SIGLEC11: variants seen among roughly 807,000 people sequenced by gnomAD.
The protein encoded by SIGLEC11 is sialic acid binding Ig like lectin 11.
In SIGLEC11, 47 loss-of-function variants were observed where a neutral mutation model predicts 61.2. The observed-to-expected ratio is 0.77, with a 90% CI of 0.61 to 0.98. The LOEUF is 0.98. Among genes scored for constraint, SIGLEC11 ranks in the 50% least tolerant of loss-of-function variants. SIGLEC11 has a pLI of 0.00. For missense variants in SIGLEC11, 610 were observed against 870.3 expected (o/e 0.70, Z 3.76); for synonymous variants, 278 against 373.1 (o/e 0.75, Z 2.94).
chr19:49,953,240 A>T (rs2076171621), intron 8 of SIGLEC11, among the ~76,000 whole-genome samples: 1 of 152,226 alleles, frequency 6.6e-6, no homozygotes, highest in Non-Finnish European at 1.5e-5. Flanking sequence ...AAGGAGCTAC[A>T]GAATGATTTC....
At chr19:49,950,842 C>G (rs1026692040) in intron 10 of SIGLEC11, among the ~76,000 whole-genome samples, 3 of 152,132 alleles carry the variant, frequency 2.0e-5, no homozygotes, top group Non-Finnish European at 4.4e-5. Context: ...TTGCTCGGAC[C>G]TGGACTGACC....
At chr19:49,959,682 G>GGGGGGGGGGCC in intron 4 of SIGLEC11, 59 bp from the exon 5 acceptor site, 1 of 164,074 alleles carries the variant, frequency 6.1e-6, no homozygotes, top group Non-Finnish European at 1.1e-5. Context: ...GGGAGGGGGG[G>GGGGGGGGGGCC]CTGCAAAGAG....
In SIGLEC11 at chr19:49,949,100, C is replaced by T. The variant is rs1568741521; in HGVS notation, c.*870G>A. The T allele has an allele frequency of 6.6e-6, 1 of 151,912 alleles. No individual in the cohort carries two copies. 9.4% of individuals were successfully genotyped at this position (151,912 alleles called of 1,614,324 possible). A position where few individuals can be genotyped will look rare whatever the true frequency, so the allele number is the denominator to read the frequency against. The stretch of plus-strand genomic sequence containing the variant: ...CCACCTCCCGGGTTCAACCAATTCT[C>T]TGCCTAGTCTCCCGAGTAGCTGGGA... On this transcript the variant is annotated 3_prime_UTR_variant, in exon 11 of 11. Coordinates refer to ENST00000447370, the MANE Select transcript of SIGLEC11 (RefSeq NM_052884.3).
intron 10 of SIGLEC11, among the ~76,000 whole-genome samples, chr19:49,950,640 T>A (rs570218048): frequency 1.3e-5 from 2 of 152,240 alleles, no homozygotes; most frequent in African/African-American, 4.8e-5. Flanking sequence ...CCCGCTGCCT[T>A]ATGGAACAGC....
At position 49,959,246 on chromosome 19, in the gene SIGLEC11, G is replaced by C. The variant is rs1008637083; in HGVS notation, c.1057+114C>G. 4.2e-4 allele frequency: 638 copies of C among 1,518,090 alleles called. 1 individual carries two copies. Among genetic ancestry groups the C allele is most frequent in the Middle Eastern group, 4.0e-3 (16 of 4,032 alleles). The allele number at this position is 1,518,090 out of a possible 1,614,324, so 94.0% of individuals were successfully genotyped here. On this transcript the variant is annotated intron_variant, in intron 5 of 10. Coordinates refer to ENST00000447370, the MANE Select transcript of SIGLEC11 (RefSeq NM_052884.3). The stretch of plus-strand genomic sequence containing the variant: ...GCATGAGGGTCTACACAGGTAAGAA[G>C]GTCAGTCCCCGAGGCCTGGGGTTCA...
chr19:49,950,216 C>T lies in SIGLEC11; in HGVS notation c.1851G>A (p.Ser617=), dbSNP rs145537270. 8.3e-5 allele frequency: 132 copies of T among 1,591,170 alleles called. No individual in the cohort carries two copies. The highest frequency in any genetic ancestry group is 1.8e-4 in the Middle Eastern group (1 of 5,712). ...GCGGGTGGTCTTGGGAGCTGCCTGC[C>T]GAGCATTCATGCTGGTGACCCTGAA... The part of the protein sequence containing the change: ...PISQGHQHEC[S]AGSSQDHPPP... Residue 617 remains serine (S), a synonymous_variant, in exon 11 of 11, where the codon TCG becomes TCA. Transcript: ENST00000447370.
At position 49,958,978 on chromosome 19, in the gene SIGLEC11, G is replaced by A. The variant is rs1342936410; in HGVS notation, c.1105+52C>T. ...CTGTGTGGGGACCCTCCAGACTCCT[G>A]GGCCCCCAGTTTGGCACTGAGAGGC... On this transcript the variant is annotated intron_variant, in intron 6 of 10. Coordinates refer to ENST00000447370, the MANE Select transcript of SIGLEC11 (RefSeq NM_052884.3). 14 of 1,613,340 alleles carry A rather than the reference G, an allele frequency of 8.7e-6. 1 individual carries two copies. The highest frequency in any genetic ancestry group is 1.7e-5 in the Admixed American group (1 of 59,944).
At chr19:49,960,528 AG>A (rs764938780) in intron 2 of SIGLEC11, 23 bp downstream of exon 2, 2 of 1,594,826 alleles carry the variant, frequency 1.3e-6, no homozygotes, top group East Asian at 4.5e-5. Flanking sequence ...TGTGACAGGC[AG>A]GGGTTCCCAC....
chr19:49,960,368 G>C lies in SIGLEC11; in HGVS notation c.514C>G (p.Pro172Ala). Residue 172 changes from proline (P) to alanine (A), a missense_variant, in exon 3 of 11, where the codon CCG becomes GCG. Pro to Ala is a conservative substitution (Grantham distance 27). Around this residue, in one of 6 missense-constraint regions of SIGLEC11, gnomAD observed 99 missense variants for 131.6 expected, o/e 0.75. Coordinates refer to ENST00000447370, the MANE Select transcript of SIGLEC11 (RefSeq NM_052884.3). ...TTAAACACACAGATGACCGTCACCG[G>C]CTGCCCGGGCTCCAGGGTCTCGGGG... The part of the protein sequence containing the change: ...YIPETLEPGQ[P>A]VTVICVFNWA... 1 of 1,598,740 alleles carries C rather than the reference G, an allele frequency of 6.3e-7. No individual in the cohort carries two copies. Among genetic ancestry groups the C allele is most frequent in the African/African-American group, 1.6e-5 (1 of 63,152 alleles).
In SIGLEC11 at chr19:49,959,150, C is replaced by G. The variant is rs112719752; in HGVS notation, c.1058-73G>C. 7,717 of 1,597,776 alleles carry G rather than the reference C, an allele frequency of 4.8e-3. 307 individuals are homozygous for G. The African/African-American group carries it at 0.085, about 18-fold the overall frequency. Reference sequence around the variant, plus strand: ...TCTGGGTAAAGGGAACTATCCTGGACACTGAGGTGGGGGAAGTGGGTGGGA... The same window carrying G: ...TCTGGGTAAAGGGAACTATCCTGGAGACTGAGGTGGGGGAAGTGGGTGGGA... On this transcript the variant is annotated intron_variant, in intron 5 of 10. Transcript: ENST00000447370.
intron 10 of SIGLEC11, 35 bp from the exon 11 acceptor site, chr19:49,950,271 T>C: frequency 6.7e-7 from 1 of 1,495,042 alleles, no homozygotes; most frequent in Non-Finnish European, 8.9e-7. Flanking sequence ...CAAATTAGGG[T>C]CATGGGGGCT....
rs754182179 is a variant in SIGLEC11, at chr19:49,958,500, C to G, written c.1434G>C (p.Gln478His). Residue 478 changes from glutamine to histidine, a missense_variant, in exon 8 of 11, where the codon CAG (glutamine) becomes CAC (histidine). By Grantham distance (24) the Gln-to-His change is conservative. This residue lies in a region of SIGLEC11 where 432 missense variants were observed against 441.5 expected (regional missense o/e 0.98). Transcript: ENST00000447370. Reference sequence around the variant, plus strand: ...AGCGCAGAGAGGGGGCCGGGCTGGCCTGGGAGGAGCAGCTGCAGTGCAGAC... The same window carrying G: ...AGCGCAGAGAGGGGGCCGGGCTGGCGTGGGAGGAGCAGCTGCAGTGCAGAC... ...AEGLHCSCSS[Q>H]ASPAPSLRWW... 5 of 1,609,266 alleles carry G rather than the reference C, an allele frequency of 3.1e-6. No homozygotes were observed. In the Admixed American group the frequency reaches 8.5e-5, roughly 27 times the overall value.
At chr19:49,952,494 C>A (rs2076165500) in intron 8 of SIGLEC11, 100 bp from the exon 9 acceptor site, 1 of 766,032 alleles carries the variant, frequency 1.3e-6, no homozygotes, top group East Asian at 2.6e-5. Flanking sequence ...TCATCCCCAA[C>A]TGAGGCAGAA....
intron 8 of SIGLEC11, among the ~76,000 whole-genome samples, chr19:49,957,002 A>G (rs1463414533): frequency 6.6e-6 from 1 of 152,224 alleles, no homozygotes; most frequent in Non-Finnish European, 1.5e-5. Context: ...TTCCAGTTCA[A>G]ACTTGGAAAG....
intron 8 of SIGLEC11, among the ~76,000 whole-genome samples, chr19:49,956,547 C>T (rs1345606174): frequency 2.0e-5 from 3 of 152,066 alleles, no homozygotes; most frequent in Non-Finnish European, 4.4e-5. Context: ...CCTATTCCCA[C>T]TGCAACAGGG....
chr19:49,958,292 G>C lies in SIGLEC11; in HGVS notation c.1642C>G (p.Leu548Val). The C allele has an allele frequency of 6.2e-7, 1 of 1,614,040 alleles. No homozygotes were observed. The highest frequency in any genetic ancestry group is 8.5e-7 in the Non-Finnish European group (1 of 1,180,000). Reference sequence around the variant, plus strand: ...CCCACAGTCCCCTCACCTGGTAGCAGCTGGAAGACAGAGCCACTCTGGGCC... The same window carrying C: ...CCCACAGTCCCCTCACCTGGTAGCACCTGGAAGACAGAGCCACTCTGGGCC... ...HGAQSGSVFQ[L>V]LPGKLEHGGG... Residue 548 changes from leucine (L) to valine (V), a missense_variant, in exon 8 of 11, where the codon CTG (leucine) becomes GTG (valine). Physicochemically the swap from Leu to Val is conservative, Grantham distance 32 (BLOSUM62 1). Transcript: ENST00000447370.
chr19:49,958,674 G>C lies in SIGLEC11; in HGVS notation c.1332C>G (p.Ser444=). 1 of 1,606,762 alleles carries C rather than the reference G, an allele frequency of 6.2e-7. No individual in the cohort carries two copies. The highest frequency in any genetic ancestry group is 1.3e-5 in the African/African-American group (1 of 74,962). ...CGGAGAGGCTGAGAGAGACGTGCTG[G>C]GAGCCCAGAGGGTGCTGAGCGTGGC... ...FTCHAQHPLG[S]QHVSLSLSVH... Residue 444 remains serine, a synonymous_variant, in exon 7 of 11, where the codon TCC becomes TCG. Coordinates refer to ENST00000447370, the MANE Select transcript of SIGLEC11 (RefSeq NM_052884.3).
rs1336431129 is a variant in SIGLEC11, at chr19:49,959,072, G to C, written c.1063C>G (p.Pro355Ala). Reference protein sequence around the residue: ...QALDLSVQYPPENLRVMVSQA... With the variant: ...QALDLSVQYPAENLRVMVSQA... ...GAAACCATCACTCTCAGGTTCTCTG[G>C]AGGATCTGAAATGGAGACAGGGGAC... Residue 355 changes from proline to alanine, a missense_variant, in exon 6 of 11, where the codon CCA becomes GCA. By Grantham distance (27) the Pro-to-Ala change is conservative (BLOSUM62 -1). Around this residue, in one of 6 missense-constraint regions of SIGLEC11, gnomAD observed 432 missense variants for 441.5 expected, o/e 0.98. Coordinates refer to ENST00000447370, the MANE Select transcript of SIGLEC11 (RefSeq NM_052884.3). 8.7e-6 allele frequency: 14 copies of C among 1,613,746 alleles called. 1 individual carries two copies. Among genetic ancestry groups the C allele is most frequent in the Admixed American group, 1.7e-5 (1 of 59,978 alleles).
rs374104181 is a variant in SIGLEC11, at chr19:49,958,881, G to A, written c.1125C>T (p.Asn375=). 23 of 1,600,182 alleles carry A rather than the reference G, an allele frequency of 1.4e-5. No individual in the cohort carries two copies. The highest frequency in any genetic ancestry group is 8.9e-5 in the East Asian group (4 of 44,706). ...ANRTVLENLG[N]GTSLPVLEGQ... is the part of the protein sequence containing the mutation. The stretch of plus-strand genomic sequence containing the variant: ...CCTCCAGGACCGGGAGGGATGTGCC[G>A]TTCCCGAGGTTTTCCAGGACTAGGG... Residue 375 remains asparagine, a synonymous_variant, in exon 7 of 11, where the codon AAC becomes AAT. Transcript: ENST00000447370.
Sources: allele counts gnomAD v4.1 joint callset (sites outside exome capture counted in the v4.1 genomes callset), GRCh38; gene constraint gnomAD v4.1.1; regional missense constraint gnomAD v4.1.1; transcripts MANE v1.5; gene names NCBI Gene and HGNC (gene_info 2026-07-23, HGNC 2026-07-21).